Variants in MRPS28 observed in about 807,000 individuals in gnomAD.
MRPS28 encodes mitochondrial ribosomal protein S28.
A neutral mutation model predicts 10.8 loss-of-function variants in MRPS28; 7 were observed. The observed-to-expected ratio is 0.65, with a 90% confidence interval of 0.37 to 1.22. MRPS28 has a LOEUF of 1.22. Among genes scored for constraint, MRPS28 ranks in the 50% most tolerant of loss-of-function variants. The pLI, the probability that MRPS28 is intolerant of heterozygous loss-of-function variation, is 0.02. For synonymous variants in MRPS28, 121 were observed against 93.3 expected, an observed-to-expected ratio of 1.30 and a Z score of -1.71; for missense variants, 265 against 232.9, an observed-to-expected ratio of 1.14 and a Z score of -0.90.
chr8:80,022,932 T>C (rs1041786585), intron 1 of MRPS28, among the ~76,000 whole-genome samples: 4 of 152,220 alleles, frequency 2.6e-5, no homozygotes, highest in African/African-American at 9.6e-5. Flanking sequence ...TCAGATCATA[T>C]GACCACCCAA....
At chr8:79,994,816 G>A (rs1808458448) in intron 2 of MRPS28, among the ~76,000 whole-genome samples, 1 of 151,930 alleles carries the variant, frequency 6.6e-6, no homozygotes, top group Non-Finnish European at 1.5e-5. Flanking sequence ...TCTGGCTCCT[G>A]GTCATCTCCC....
At chr8:79,989,733 G>C (rs982087245) in intron 2 of MRPS28, among the ~76,000 whole-genome samples, 1 of 152,134 alleles carries the variant, frequency 6.6e-6, no homozygotes, top group African/African-American at 2.4e-5. Flanking sequence ...TGTTTTTGCT[G>C]ATAAAGGCAG....
intron 2 of MRPS28, among the ~76,000 whole-genome samples, chr8:79,939,138 C>A (rs965931471): frequency 1.3e-5 from 2 of 152,130 alleles, no homozygotes; most frequent in Non-Finnish European, 2.9e-5. Flanking sequence ...GATTTTCATC[C>A]TTCCCTTCAG....
chr8:79,980,218 T>A (rs914670801), intron 2 of MRPS28, among the ~76,000 whole-genome samples: 2 of 152,150 alleles, frequency 1.3e-5, no homozygotes, highest in Non-Finnish European at 2.9e-5. Context: ...TTCAACCACT[T>A]TAAAGACAAG....
chr8:79,960,033 C>T (rs775742129), intron 2 of MRPS28, among the ~76,000 whole-genome samples: 10 of 152,110 alleles, frequency 6.6e-5, no homozygotes, highest in Non-Finnish European at 1.3e-4. Context: ...GACTGCTTTC[C>T]ACATGGTGCA....
At chr8:80,028,874 T>A (rs543409340) in intron 1 of MRPS28, 18 of 153,068 alleles carry the variant, frequency 1.2e-4, no homozygotes, top group Middle Eastern at 8.4e-4. Context: ...AGCAGGAGGA[T>A]CACTTGAGCC....
intron 2 of MRPS28, among the ~76,000 whole-genome samples, chr8:79,975,008 G>C (rs1807755219): frequency 6.6e-6 from 1 of 152,110 alleles, no homozygotes; most frequent in Non-Finnish European, 1.5e-5. Context: ...AATAAGGCTA[G>C]GCACAGTAGC....
At chr8:79,984,088 A>C (rs6981228) in intron 2 of MRPS28, among the ~76,000 whole-genome samples, 121,426 of 151,776 alleles carry the variant, frequency 0.8, 49,354 homozygotes, top group African/African-American at 0.95. Flanking sequence ...GGCAGAAACT[A>C]TACAAGCCAG....
chr8:79,927,441 C>A (rs1027636095), intron 2 of MRPS28, among the ~76,000 whole-genome samples: 13 of 150,590 alleles, frequency 8.6e-5, no homozygotes, highest in Non-Finnish European at 1.6e-4. Flanking sequence ...GATTCCTAAT[C>A]CCCTGCACTT....
At chr8:79,921,365 A>G (rs950092161) in intron 2 of MRPS28, among the ~76,000 whole-genome samples, 1 of 152,106 alleles carries the variant, frequency 6.6e-6, no homozygotes, top group East Asian at 1.9e-4. Context: ...CATTGAATCT[A>G]TAAATTACCT....
At chr8:80,005,581 G>A (rs1808815086) in intron 1 of MRPS28, among the ~76,000 whole-genome samples, 1 of 152,132 alleles carries the variant, frequency 6.6e-6, no homozygotes, top group East Asian at 1.9e-4. Context: ...ATAAACTAAT[G>A]AGCAAAACAA....
chr8:80,003,293 T>C (rs2130163464), intron 1 of MRPS28, 113 bp from the exon 2 acceptor site: 1 of 846,896 alleles, frequency 1.2e-6, no homozygotes, highest in South Asian at 2.8e-5. Flanking sequence ...AAAATATATG[T>C]GGAATTTTGC....
At chr8:79,969,332 T>C (rs1807573584) in intron 2 of MRPS28, among the ~76,000 whole-genome samples, 2 of 152,190 alleles carry the variant, frequency 1.3e-5, no homozygotes, top group African/African-American at 2.4e-5. Flanking sequence ...AGAAACAATT[T>C]GGAAATCTTA....
At chr8:79,965,472 C>T (rs1160867498) in intron 2 of MRPS28, among the ~76,000 whole-genome samples, 2 of 151,994 alleles carry the variant, frequency 1.3e-5, no homozygotes, top group Non-Finnish European at 2.9e-5. Flanking sequence ...AGAATCAACC[C>T]ATATATCCAC....
At chr8:79,989,176 T>C (rs1233832082) in intron 2 of MRPS28, among the ~76,000 whole-genome samples, 2 of 152,066 alleles carry the variant, frequency 1.3e-5, no homozygotes, top group South Asian at 2.1e-4. Flanking sequence ...AAAAGTACAA[T>C]AGTTTTAAGG....
At chr8:79,973,281 AGAGT>A (rs1199705133) in intron 2 of MRPS28, among the ~76,000 whole-genome samples, 1 of 152,136 alleles carries the variant, frequency 6.6e-6, no homozygotes, top group Non-Finnish European at 1.5e-5. Flanking sequence ...AGAGAGAGAG[AGAGT>A]GTGTGTGTGT....
chr8:80,009,589 C>T (rs558457969), intron 1 of MRPS28, among the ~76,000 whole-genome samples: 29 of 151,884 alleles, frequency 1.9e-4, no homozygotes, highest in Non-Finnish European at 3.7e-4. Context: ...TCACTCCAGC[C>T]TGGGCAACAA....
intron 2 of MRPS28, among the ~76,000 whole-genome samples, chr8:79,940,163 G>C (rs1051063846): frequency 2.0e-4 from 30 of 151,942 alleles, no homozygotes; most frequent in Non-Finnish European, 4.1e-4. Context: ...ATTGCATATT[G>C]AGCAAAAATC....
At chr8:79,989,664 T>C (rs891109431) in intron 2 of MRPS28, among the ~76,000 whole-genome samples, 1 of 152,208 alleles carries the variant, frequency 6.6e-6, no homozygotes, top group African/African-American at 2.4e-5. Flanking sequence ...TCTCACTTAA[T>C]GTGGTACAAA....
Sources: gnomAD v4.1 joint callset for allele counts (sites outside exome capture counted in the v4.1 genomes callset) on GRCh38, gnomAD v4.1.1 for gene constraint, MANE v1.5 for transcripts, NCBI Gene and HGNC (gene_info 2026-07-23, HGNC 2026-07-21) for gene names.